The following FIGN variants were observed in gnomAD, a reference collection of about 807,000 sequenced individuals.
FIGN encodes the protein fidgetin.
FIGN carries 11 observed loss-of-function variants against 51.3 expected under a neutral mutation model. That is an observed-to-expected ratio of 0.21 (90% confidence interval 0.13 to 0.35). The LOEUF is 0.35. Among genes scored for constraint, FIGN ranks in the 10% least tolerant of loss-of-function variants. FIGN has a pLI of 1.00. For missense variants in FIGN, 857 were observed against 943.6 expected (o/e 0.91, Z 1.20); for synonymous variants, 407 against 363.2 (o/e 1.12, Z -1.37).
At chr2:163,658,476 A>G (rs1683599522) in intron 2 of FIGN, among the ~76,000 whole-genome samples, 1 of 151,786 alleles carries the variant, frequency 6.6e-6, no homozygotes, top group African/African-American at 2.4e-5. Context: ...ATAAAGAAAA[A>G]GGTTTATTTG....
intron 2 of FIGN, among the ~76,000 whole-genome samples, chr2:163,647,871 G>GA (rs2105319935): frequency 6.6e-6 from 1 of 152,198 alleles, no homozygotes; most frequent in African/African-American, 2.4e-5. Context: ...GAAGCAAAGC[G>GA]AAAGAGATAT....
intron 2 of FIGN, among the ~76,000 whole-genome samples, chr2:163,653,704 AT>A (rs1295659522): frequency 1.3e-5 from 2 of 152,130 alleles, no homozygotes; most frequent in African/African-American, 4.8e-5. Flanking sequence ...ATCTTAATCT[AT>A]TCAGGGTAAC....
chr2:163,685,681 A>C (rs1373644142), intron 2 of FIGN, among the ~76,000 whole-genome samples: 1 of 152,190 alleles, frequency 6.6e-6, no homozygotes, highest in Non-Finnish European at 1.5e-5. Context: ...CGTTATCTGA[A>C]GTAAGTGGAA....
At chr2:163,656,638 T>G (rs1683562848) in intron 2 of FIGN, among the ~76,000 whole-genome samples, 1 of 152,076 alleles carries the variant, frequency 6.6e-6, no homozygotes, top group African/African-American at 2.4e-5. Flanking sequence ...AGAAATCTAT[T>G]GAGGAGTCAG....
intron 2 of FIGN, among the ~76,000 whole-genome samples, chr2:163,648,447 T>C (rs1435430665): frequency 1.3e-5 from 2 of 152,220 alleles, no homozygotes; most frequent in Admixed American, 6.5e-5. Context: ...AAAGAGAACA[T>C]ATCTTTTTCC....
chr2:163,727,168 A>T (rs906626627), intron 2 of FIGN, among the ~76,000 whole-genome samples: 1 of 152,140 alleles, frequency 6.6e-6, no homozygotes, highest in Non-Finnish European at 1.5e-5. Flanking sequence ...AATATACTAT[A>T]TTGCCACTTA....
At chr2:163,676,497 C>T (rs1379434646) in intron 2 of FIGN, among the ~76,000 whole-genome samples, 9 of 126,796 alleles carry the variant, frequency 7.1e-5, no homozygotes, top group African/African-American at 2.6e-4. Context: ...AGAGTCTGTG[C>T]ACCCGAATCT....
chr2:163,660,725 G>A lies in FIGN; in HGVS notation c.26-48919C>T, dbSNP rs376547225. 1.4e-4 allele frequency among the ~76,000 whole-genome samples: 6 copies of A among 41,804 alleles called. 1 individual carries two copies. The highest frequency in any genetic ancestry group is 3.7e-4 in the Admixed American group (1 of 2,700). The allele number at this position is 41,804 out of a possible 152,430, so 27.4% of individuals were successfully genotyped here. ...TATGTATACACATATACATATATAT[G>A]TATACACATATACATATATATGTAT... On this transcript the variant is annotated intron_variant, in intron 2 of 2. Coordinates refer to ENST00000333129, the MANE Select transcript of FIGN (RefSeq NM_018086.4).
chr2:163,628,645 A>C (rs1683094852), intron 2 of FIGN, among the ~76,000 whole-genome samples: 1 of 152,142 alleles, frequency 6.6e-6, no homozygotes, highest in Non-Finnish European at 1.5e-5. Context: ...AGGAAGGAAA[A>C]AACTCCACAA....
chr2:163,676,467 A>C (rs1258930754), intron 2 of FIGN, among the ~76,000 whole-genome samples: 6 of 107,776 alleles, frequency 5.6e-5, no homozygotes, highest in Admixed American at 3.0e-4. Context: ...ATATATATAT[A>C]TATATATATA....
intron 2 of FIGN, among the ~76,000 whole-genome samples, chr2:163,656,637 T>C (rs1009455330): frequency 6.6e-6 from 1 of 152,090 alleles, no homozygotes; most frequent in Non-Finnish European, 1.5e-5. Context: ...TAGAAATCTA[T>C]TGAGGAGTCA....
intron 2 of FIGN, among the ~76,000 whole-genome samples, chr2:163,716,979 C>G (rs556518561): frequency 1.3e-5 from 2 of 152,152 alleles, no homozygotes; most frequent in South Asian, 2.1e-4. Context: ...CTACCCAGCA[C>G]TTGAATATAT....
intron 2 of FIGN, among the ~76,000 whole-genome samples, chr2:163,719,779 C>A (rs1684725753): frequency 6.6e-6 from 1 of 152,108 alleles, no homozygotes; most frequent in Non-Finnish European, 1.5e-5. Flanking sequence ...GATCACGTAG[C>A]ATATCAAGAC....
intron 2 of FIGN, among the ~76,000 whole-genome samples, chr2:163,707,018 C>T (rs962038122): frequency 2.6e-5 from 4 of 152,054 alleles, no homozygotes; most frequent in Non-Finnish European, 4.4e-5. Context: ...TGCCTAACAT[C>T]AATAAAATTG....
At chr2:163,677,645 C>T (rs1377329614) in intron 2 of FIGN, among the ~76,000 whole-genome samples, 2 of 152,134 alleles carry the variant, frequency 1.3e-5, no homozygotes, top group African/African-American at 4.8e-5. Context: ...AAAATAACTT[C>T]TTATTTAAAA....
At chr2:163,729,695 A>G (rs1406858071) in intron 2 of FIGN, among the ~76,000 whole-genome samples, 1 of 152,220 alleles carries the variant, frequency 6.6e-6, no homozygotes, top group African/African-American at 2.4e-5. Context: ...AAGATGTAAC[A>G]GTTTCAAAAA....
At chr2:163,628,559 T>G (rs1211931276) in intron 2 of FIGN, among the ~76,000 whole-genome samples, 2 of 152,160 alleles carry the variant, frequency 1.3e-5, no homozygotes, top group African/African-American at 4.8e-5. Flanking sequence ...GATTTGTTCT[T>G]AAGCAATGTA....
At chr2:163,692,755 T>G (rs549034642) in intron 2 of FIGN, among the ~76,000 whole-genome samples, 1 of 152,284 alleles carries the variant, frequency 6.6e-6, no homozygotes, top group South Asian at 2.1e-4. Flanking sequence ...AAATTCTAAA[T>G]AGCTGTGTGG....
chr2:163,729,504 A>C (rs1171529847), intron 2 of FIGN, among the ~76,000 whole-genome samples: 1 of 152,122 alleles, frequency 6.6e-6, no homozygotes, highest in Non-Finnish European at 1.5e-5. Flanking sequence ...GTTTGGTTAA[A>C]AGCTCCTCTT....
Sources: gnomAD v4.1 joint callset for allele counts (sites outside exome capture counted in the v4.1 genomes callset) on GRCh38, gnomAD v4.1.1 for gene constraint, MANE v1.5 for transcripts, NCBI Gene and HGNC (gene_info 2026-07-23, HGNC 2026-07-21) for gene names.